Variants in USP48 observed in about 807,000 individuals in gnomAD.
USP48 encodes the protein ubiquitin carboxyl-terminal hydrolase 48.
A neutral mutation model predicts 150.7 loss-of-function variants in USP48; 43 were observed. That is an observed-to-expected ratio of 0.29 (90% CI 0.22 to 0.37). The LOEUF is 0.37. Ranked by LOEUF, USP48 falls within the 10% of genes least tolerant of loss-of-function variation. USP48 has a pLI of 1.00. For missense variants in USP48, 813 were observed against 1,249.6 expected, an observed-to-expected ratio of 0.65 and a Z score of 5.27; for synonymous variants, 396 against 425.9, an observed-to-expected ratio of 0.93 and a Z score of 0.86.
intron 20 of USP48, among the ~76,000 whole-genome samples, chr1:21,703,982 C>CA (rs2097664857): frequency 6.6e-6 from 1 of 152,134 alleles, no homozygotes; most frequent in African/African-American, 2.4e-5. Context: ...CCTAGTCTCT[C>CA]AAAGTATTAG....
intron 3 of USP48, among the ~76,000 whole-genome samples, chr1:21,754,549 T>G (rs1408565119): frequency 6.6e-6 from 1 of 152,182 alleles, no homozygotes; most frequent in Non-Finnish European, 1.5e-5. Context: ...TGATGAGAGA[T>G]GGGCTCTGCA....
At chr1:21,742,436 C>T (rs1450877976) in intron 8 of USP48, among the ~76,000 whole-genome samples, 4 of 151,610 alleles carry the variant, frequency 2.6e-5, no homozygotes, top group East Asian at 3.9e-4. Context: ...CCCAGCTACC[C>T]GAGAGGCTGA....
At chr1:21,737,312 C>A (rs1468351223) in intron 8 of USP48, among the ~76,000 whole-genome samples, 2 of 152,114 alleles carry the variant, frequency 1.3e-5, no homozygotes, top group Non-Finnish European at 2.9e-5. Context: ...AAAATAAAAA[C>A]AGGTGTAGGC....
At chr1:21,697,542 A>G (rs2097639835) in intron 22 of USP48, among the ~76,000 whole-genome samples, 1 of 151,876 alleles carries the variant, frequency 6.6e-6, no homozygotes, top group Admixed American at 6.6e-5. Flanking sequence ...GGGCGCCTGT[A>G]GTCCCAGCTA....
Position 21,736,450 on chromosome 1 carries a change from A to G in USP48, c.1167T>C (p.Asp389=). 6.2e-7 allele frequency: 1 copy of G among 1,607,914 alleles called. No homozygotes were observed. Among genetic ancestry groups the G allele is most frequent in the Non-Finnish European group, 8.5e-7 (1 of 1,178,058 alleles). The change falls in exon 9 of 27, where the codon GAT becomes GAC. Residue 389 remains aspartate, a synonymous_variant. Coordinates refer to ENST00000308271, the MANE Select transcript of USP48 (RefSeq NM_032236.8). ...GKKLQLGIEE[D]LAEPSKSQTR... ...CTCACAACTTAAAGGTTTTACCTAGATCTTCCTCAATCCCTAGTTGTAATT... is the reference window on the plus strand; with the variant it reads ...CTCACAACTTAAAGGTTTTACCTAGGTCTTCCTCAATCCCTAGTTGTAATT...
At position 21,703,542 on chromosome 1, in the gene USP48, G is replaced by T. The variant is rs1227012923; in HGVS notation, c.2592C>A (p.Ile864=). The T allele has an allele frequency of 1.9e-6, 3 of 1,612,940 alleles. No homozygotes were observed. Among genetic ancestry groups the T allele is most frequent in the African/African-American group, 1.3e-5 (1 of 74,872 alleles). ...TATTATCCACAACTTTATGGACATA[G>T]ATGGTGGCTTGAGTGTATTCACGCA... ...RDLREYTQAT[I]YVHKVVDNKK... The change falls in exon 21 of 27, where the codon ATC becomes ATA. Residue 864 remains isoleucine (I), a synonymous_variant. Transcript: ENST00000308271.
At chr1:21,762,734 CA>C (rs1461027483) in intron 1 of USP48, among the ~76,000 whole-genome samples, 3 of 151,988 alleles carry the variant, frequency 2.0e-5, no homozygotes, top group African/African-American at 7.2e-5. Flanking sequence ...GACGTGGTGG[CA>C]GGCGCCTGTA....
At chr1:21,726,102 G>A (rs2097736369) in intron 11 of USP48, among the ~76,000 whole-genome samples, 1 of 152,158 alleles carries the variant, frequency 6.6e-6, no homozygotes. Context: ...AGTTTCCCCA[G>A]CAGCTGGGGA....
At chr1:21,743,608 A>AG (rs1334462023) in intron 8 of USP48, among the ~76,000 whole-genome samples, 7 of 152,188 alleles carry the variant, frequency 4.6e-5, no homozygotes, top group African/African-American at 1.7e-4. Flanking sequence ...ATGCTAAAGA[A>AG]GAAAAAAAAT....
rs774759266 is a variant in USP48 at position 21,706,167 on chromosome 1, G to A, written c.2232C>T (p.Ile744=). 5 of 1,613,662 alleles carry A rather than the reference G, an allele frequency of 3.1e-6. No homozygotes were observed. The highest frequency in any genetic ancestry group is 2.2e-5 in the East Asian group (1 of 44,850). ...ACTCTTCTACAAAGAACTGAGACACGATGTAGAGGACATCCGTATCCTAGA... is the reference window on the plus strand; with the variant it reads ...ACTCTTCTACAAAGAACTGAGACACAATGTAGAGGACATCCGTATCCTAGA... ...NWPEDTDVLY[I]VSQFFVEEWR... is the part of the protein sequence containing the mutation. The change falls in exon 18 of 27, where the codon ATC becomes ATT. Residue 744 remains isoleucine, a synonymous_variant. Coordinates refer to ENST00000308271, the MANE Select transcript of USP48 (RefSeq NM_032236.8).
chr1:21,729,317 C>G (rs1404625582), intron 10 of USP48, among the ~76,000 whole-genome samples: 2 of 151,364 alleles, frequency 1.3e-5, no homozygotes, highest in Non-Finnish European at 2.9e-5. Flanking sequence ...GATGATGCCA[C>G]CAAGCTTAGA....
At position 21,683,278 on chromosome 1, in the gene USP48, CA is replaced by C. The variant is rs557845270; in HGVS notation, c.3059-2445del. ...TAAAAAATAAAAAATAAAAGCCAAA[CA>C]TAATATTTGTACATATTTATGGGGA... is the stretch of plus-strand genomic sequence containing the variant. On this transcript the variant is annotated intron_variant, in intron 25 of 26. Coordinates refer to ENST00000308271, the MANE Select transcript of USP48 (RefSeq NM_032236.8). 2.1e-4 allele frequency among the ~76,000 whole-genome samples: 32 copies of C among 152,256 alleles called. No individual in the cohort carries two copies. The East Asian group carries it at 6.0e-3, about 28-fold the overall frequency.
At chr1:21,705,885 C>T (rs372538133) in intron 18 of USP48, 48 bp from the exon 19 acceptor site, 58 of 1,403,994 alleles carry the variant, frequency 4.1e-5, no homozygotes, top group Middle Eastern at 3.6e-4. Flanking sequence ...TACTGCATGA[C>T]GAAAGAGAAG....
chr1:21,708,368 G>A (rs914732784), intron 15 of USP48, among the ~76,000 whole-genome samples: 2 of 151,906 alleles, frequency 1.3e-5, no homozygotes, highest in African/African-American at 2.4e-5. Flanking sequence ...GTGTGTGGCA[G>A]GCACCTGTAA....
At chr1:21,710,553 T>C (rs1050116935) in intron 15 of USP48, among the ~76,000 whole-genome samples, 3 of 152,206 alleles carry the variant, frequency 2.0e-5, no homozygotes, top group Non-Finnish European at 4.4e-5. Context: ...ATTATAAAGC[T>C]TGTTATATAA....
At chr1:21,727,872 CTAAAG>C in intron 11 of USP48, 1 of 975,570 alleles carries the variant, frequency 1.0e-6, no homozygotes, top group Non-Finnish European at 1.2e-6. Flanking sequence ...TATTTATTTT[CTAAAG>C]TAAGGACTAA....
chr1:21,684,030 T>TCTA (rs534130678), intron 25 of USP48, among the ~76,000 whole-genome samples: 263 of 152,346 alleles, frequency 1.7e-3, no homozygotes, highest in Non-Finnish European at 3.0e-3. Flanking sequence ...TATCAAGGCA[T>TCTA]CTACTGATGG....
Position 21,683,085 on chromosome 1 carries a change from AC to A in USP48, c.3059-2252del, listed in dbSNP as rs539579097. Reference sequence around the variant, plus strand: ...AGACCAGCCTGGCGAATATAGTGAAACCCCGTCTCTACCAAAAATACAAAAG... The same window carrying A: ...AGACCAGCCTGGCGAATATAGTGAAACCCGTCTCTACCAAAAATACAAAAG... On this transcript the variant is annotated intron_variant, in intron 25 of 26. Coordinates refer to ENST00000308271, the MANE Select transcript of USP48 (RefSeq NM_032236.8). Among the ~76,000 whole-genome samples, 148 of 151,886 alleles carry A rather than the reference AC, an allele frequency of 9.7e-4. 1 individual carries two copies. Among genetic ancestry groups the A allele is most frequent in the African/African-American group, 3.5e-3 (145 of 41,384 alleles).
intron 20 of USP48, among the ~76,000 whole-genome samples, chr1:21,703,927 T>G (rs2097664774): frequency 6.6e-6 from 1 of 152,210 alleles, no homozygotes; most frequent in African/African-American, 2.4e-5. Flanking sequence ...CTTGTTATGT[T>G]GCTCAGGCTG....
Sources: gnomAD v4.1 joint callset for allele counts (sites outside exome capture counted in the v4.1 genomes callset) on GRCh38, gnomAD v4.1.1 for gene constraint, MANE v1.5 for transcripts, NCBI Gene and HGNC (gene_info 2026-07-23, HGNC 2026-07-21) for gene names.